The following TIAM1 variants were observed in gnomAD, a reference collection of about 807,000 sequenced individuals.
TIAM1 encodes TIAM Rac1 associated GEF 1, also known as rho guanine nucleotide exchange factor TIAM1.
A neutral mutation model predicts 163.5 loss-of-function variants in TIAM1; 65 were observed. That is an observed-to-expected ratio of 0.40 (90% CI 0.33 to 0.49). The LOEUF (loss-of-function observed/expected upper bound fraction) is 0.49. Ranked by LOEUF, TIAM1 falls within the 20% of genes least tolerant of loss-of-function variation. TIAM1 has a pLI of 0.77. For synonymous variants in TIAM1, 833 were observed against 810.1 expected (o/e 1.03, Z -0.48); for missense variants, 1,789 against 2,044.7 (o/e 0.87, Z 2.41).
intron 2 of TIAM1, among the ~76,000 whole-genome samples, chr21:31,385,899 GTTAATATAATTAATATAT>G (rs1569285599): frequency 7.1e-6 from 1 of 141,658 alleles, no homozygotes. Context: ...AATTATATTA[GTTAATATAATTAATATAT>G]TAATTGATAA....
intron 2 of TIAM1, among the ~76,000 whole-genome samples, chr21:31,461,670 T>G (rs906179630): frequency 1.3e-5 from 2 of 151,920 alleles, no homozygotes; most frequent in African/African-American, 4.8e-5. Context: ...TTTGATCCTT[T>G]TGTGTGTGTG....
At position 31,154,441 on chromosome 21, in the gene TIAM1, G is replaced by A. The variant is rs1381262136; in HGVS notation, c.2992-15C>T. 1 of 1,607,936 alleles carries A rather than the reference G, an allele frequency of 6.2e-7. No homozygotes were observed. Among genetic ancestry groups the A allele is most frequent in the Non-Finnish European group, 8.5e-7 (1 of 1,175,598 alleles). On this transcript the variant is annotated splice_polypyrimidine_tract_variant and intron_variant, in intron 16 of 27. Coordinates refer to ENST00000541036, the MANE Select transcript of TIAM1 (RefSeq NM_001353694.2). ...TGTTCTGTACTCTTCGGAGCACAGG[G>A]GGGAAGGGAAGGCAGAGGTCATTAT...
At chr21:31,542,436 G>GA (rs886802315) in intron 1 of TIAM1, among the ~76,000 whole-genome samples, 13 of 139,376 alleles carry the variant, frequency 9.3e-5, no homozygotes, top group East Asian at 7.3e-4. Flanking sequence ...CAAAAAAAAA[G>GA]AAAAAAAAAA....
At chr21:31,143,476 A>G (rs907100419) in intron 20 of TIAM1, among the ~76,000 whole-genome samples, 30 of 151,612 alleles carry the variant, frequency 2.0e-4, no homozygotes, top group African/African-American at 6.8e-4. Context: ...ACACACACAC[A>G]CACGTATATT....
rs541466268 is a variant in TIAM1 at position 31,550,948 on chromosome 21, C to T, written c.-422+7979G>A. 5.3e-5 allele frequency among the ~76,000 whole-genome samples: 8 copies of T among 152,244 alleles called. No homozygotes were observed. In the South Asian group the frequency reaches 1.7e-3, roughly 32 times the overall value. The stretch of plus-strand genomic sequence containing the variant: ...CCATAAGGCCAGGCGCAGTGGCTCA[C>T]GCCTGTAATCCCAGCACTTTGGGAG... On this transcript the variant is annotated intron_variant, in intron 1 of 28. Coordinates refer to the TIAM1 transcript ENST00000286827.
chr21:31,430,220 A>AT (rs1569324107), intron 2 of TIAM1, among the ~76,000 whole-genome samples: 11 of 111,352 alleles, frequency 9.9e-5, no homozygotes, highest in African/African-American at 3.5e-4. Context: ...GAAAAAAAAA[A>AT]AAAAAATATA....
intron 2 of TIAM1, among the ~76,000 whole-genome samples, chr21:31,410,716 C>G (rs1463945318): frequency 2.6e-5 from 4 of 150,944 alleles, no homozygotes; most frequent in African/African-American, 9.8e-5. Context: ...GTGAGAGAGA[C>G]ACAGAGAGAA....
At chr21:31,392,809 G>A (rs56321166) in intron 2 of TIAM1, among the ~76,000 whole-genome samples, 18,241 of 151,840 alleles carry the variant, frequency 0.12, 1,282 homozygotes, top group Admixed American at 0.22. Flanking sequence ...GACTGGCACC[G>A]CCTACTCTCT....
At chr21:31,341,126 T>G (rs2076004928) in intron 1 of TIAM1, among the ~76,000 whole-genome samples, 1 of 152,130 alleles carries the variant, frequency 6.6e-6, no homozygotes, top group African/African-American at 2.4e-5. Flanking sequence ...ATCGTTACAC[T>G]GAAAACACTA....
intron 4 of TIAM1, 67 bp downstream of exon 4, chr21:31,265,943 C>T (rs2072734748): frequency 2.6e-6 from 4 of 1,555,040 alleles, no homozygotes; most frequent in Non-Finnish European, 3.5e-6. Context: ...CTTCTAAGAG[C>T]AAAGTCATGC....
At chr21:31,252,256 G>C (rs1209186652) in intron 4 of TIAM1, 67 bp from the exon 5 acceptor site, 29 of 1,522,476 alleles carry the variant, frequency 1.9e-5, no homozygotes, top group Non-Finnish European at 2.6e-5. Flanking sequence ...GGGTCACGTG[G>C]AGAAGAGCCC....
At chr21:31,483,678 C>A (rs190291861) in intron 1 of TIAM1, among the ~76,000 whole-genome samples, 1 of 152,048 alleles carries the variant, frequency 6.6e-6, no homozygotes, top group Non-Finnish European at 1.5e-5. Flanking sequence ...TATCATCAAT[C>A]TAGCTGATAT....
At chr21:31,489,549 T>C (rs1253414884) in intron 1 of TIAM1, among the ~76,000 whole-genome samples, 6 of 90,968 alleles carry the variant, frequency 6.6e-5, no homozygotes, top group African/African-American at 1.1e-4. Flanking sequence ...GGAGGGAAAA[T>C]TGTGCTAAGG....
intron 2 of TIAM1, among the ~76,000 whole-genome samples, chr21:31,440,224 A>T (rs550296425): frequency 1.1e-4 from 17 of 152,232 alleles, no homozygotes; most frequent in Non-Finnish European, 2.1e-4. Flanking sequence ...GCAGCGTAGC[A>T]ACTGAAGGTG....
At chr21:31,400,257 G>A (rs1167956259) in intron 2 of TIAM1, among the ~76,000 whole-genome samples, 2 of 152,036 alleles carry the variant, frequency 1.3e-5, no homozygotes, top group Admixed American at 1.3e-4. Context: ...CTCCCGAGTA[G>A]CTGGGACTAC....
intron 2 of TIAM1, among the ~76,000 whole-genome samples, chr21:31,391,640 A>G (rs1032731256): frequency 2.6e-5 from 4 of 152,184 alleles, no homozygotes; most frequent in African/African-American, 9.6e-5. Context: ...AAACAAAACA[A>G]AACAACGGAA....
intron 2 of TIAM1, among the ~76,000 whole-genome samples, chr21:31,379,171 C>G (rs1359448247): frequency 6.6e-6 from 1 of 152,158 alleles, no homozygotes; most frequent in Non-Finnish European, 1.5e-5. Context: ...AAGGCTTTGC[C>G]ATGTTGGCTA....
At chr21:31,452,543 C>T in intron 2 of TIAM1, 2 of 602,228 alleles carry the variant, frequency 3.3e-6, no homozygotes, top group South Asian at 3.5e-5. Flanking sequence ...GGGGTGTTCT[C>T]CGAGGGACAC....
chr21:31,326,140 G>T (rs1569224110), intron 2 of TIAM1, among the ~76,000 whole-genome samples: 1 of 152,074 alleles, frequency 6.6e-6, no homozygotes. Flanking sequence ...TCCCGCAGGT[G>T]AGCCACTGAA....
Sources: allele counts gnomAD v4.1 joint callset (sites outside exome capture counted in the v4.1 genomes callset), GRCh38; gene constraint gnomAD v4.1.1; transcripts MANE v1.5; gene names NCBI Gene and HGNC (gene_info 2026-07-23, HGNC 2026-07-21).